Variants in KATNIP observed in about 807,000 individuals in gnomAD.
The protein encoded by KATNIP is katanin-interacting protein.
In KATNIP, 126 loss-of-function variants were observed where a neutral mutation model predicts 174.0. The ratio of observed to expected loss-of-function variants is 0.72; its 90% CI spans 0.63 to 0.84. The LOEUF (loss-of-function observed/expected upper bound fraction) is 0.84, where lower values mean the gene tolerates loss of function less well. KATNIP is among the 40% of genes least tolerant of loss of function. The pLI is 0.00. For missense variants in KATNIP, 1,958 were observed against 2,109.7 expected (o/e 0.93, Z 1.41); for synonymous variants, 810 against 835.7 (o/e 0.97, Z 0.53).
chr16:27,555,444 C>G (rs562326135), intron 1 of KATNIP, among the ~76,000 whole-genome samples: 1 of 152,300 alleles, frequency 6.6e-6, no homozygotes, highest in African/African-American at 2.4e-5. Context: ...TTTGACCTCT[C>G]TGAGCCTTGG....
At chr16:27,716,807 G>A (rs866545131) in intron 13 of KATNIP, among the ~76,000 whole-genome samples, 3 of 151,816 alleles carry the variant, frequency 2.0e-5, no homozygotes, top group African/African-American at 4.8e-5. Context: ...ACATTTTGTC[G>A]TTTCAAGAAT....
At chr16:27,591,430 G>T (rs140116771) in intron 2 of KATNIP, among the ~76,000 whole-genome samples, 1 of 151,950 alleles carries the variant, frequency 6.6e-6, no homozygotes, top group African/African-American at 2.4e-5. Context: ...TGATCCACCC[G>T]CCTCGGCCTC....
chr16:27,655,658 A>G (rs2077257917), intron 6 of KATNIP, among the ~76,000 whole-genome samples: 1 of 152,170 alleles, frequency 6.6e-6, no homozygotes. Flanking sequence ...CATGTTGAGC[A>G]TGTAACATCC....
At chr16:27,597,402 CTTTTTTTTTTTTTT>C (rs36005993) in intron 2 of KATNIP, among the ~76,000 whole-genome samples, 15 of 46,144 alleles carry the variant, frequency 3.3e-4, no homozygotes, top group South Asian at 2.6e-3. Flanking sequence ...ATTTTCTTTT[CTTTTTTTTTTTTTT>C]TTTTTTTTTT....
chr16:27,654,754 CAT>C, intron 6 of KATNIP: 2 of 1,351,832 alleles, frequency 1.5e-6, no homozygotes, highest in Non-Finnish European at 2.0e-6. Flanking sequence ...CAGTTTTCAG[CAT>C]CCTAACCCCT....
rs1597435738 is a variant in KATNIP at position 27,776,216 on chromosome 16, A to T, written c.4450-712A>T. Among the ~76,000 whole-genome samples, 1 of 152,094 alleles carries T rather than the reference A, an allele frequency of 6.6e-6. No homozygotes were observed. The highest frequency in any genetic ancestry group is 1.9e-4 in the East Asian group (1 of 5,172). On this transcript the variant is annotated intron_variant, in intron 24 of 27. Transcript: ENST00000261588. The surrounding 1 kb of genome is among the most constrained non-coding windows in gnomAD (Gnocchi z 4.7). ...CACTCCCTCTTGGCATATTCTGAGG[A>T]TGGTCACAGGCTGGGGACCAGGGCC...
At chr16:27,640,968 T>G (rs2142256762) in intron 5 of KATNIP, among the ~76,000 whole-genome samples, 1 of 152,128 alleles carries the variant, frequency 6.6e-6, no homozygotes, top group Non-Finnish European at 1.5e-5. Context: ...AAACCCTGTC[T>G]CTACTAAAAA....
At chr16:27,654,169 T>G (rs2077198250) in intron 6 of KATNIP, among the ~76,000 whole-genome samples, 1 of 152,118 alleles carries the variant, frequency 6.6e-6, no homozygotes, top group African/African-American at 2.4e-5. Flanking sequence ...AGAGATGGGA[T>G]TTCACCATGT....
chr16:27,703,493 ATTG>A (rs1285998782), intron 11 of KATNIP, among the ~76,000 whole-genome samples: 5 of 152,216 alleles, frequency 3.3e-5, no homozygotes, highest in South Asian at 2.1e-4. Flanking sequence ...TGTTGTTGTT[ATTG>A]TTGTTGTTAT....
In KATNIP at chr16:27,776,865, C is replaced by T. The variant is rs946494986; in HGVS notation, c.4450-63C>T. On this transcript the variant is annotated intron_variant, in intron 24 of 27. Transcript: ENST00000261588. This position sits in a 1 kb window ranked among gnomAD's most constrained non-coding sequence, Gnocchi z 4.7. ...CACCCCAGCCCACGCCTGGCACCCC[C>T]AGCCCAGCCAAGCGCCTCTGTTTCC... is the stretch of plus-strand genomic sequence containing the variant. 3 of 1,249,848 alleles carry T rather than the reference C, an allele frequency of 2.4e-6. No individual in the cohort carries two copies. The highest frequency in any genetic ancestry group is 2.3e-6 in the Non-Finnish European group (2 of 851,592). The allele number at this position is 1,249,848 out of a possible 1,614,324, so 77.4% of individuals were successfully genotyped here. A position where few individuals can be genotyped will look rare whatever the true frequency, so the allele number is the denominator to read the frequency against.
chr16:27,732,864 C>T (rs1037935594), intron 14 of KATNIP, among the ~76,000 whole-genome samples: 7 of 152,346 alleles, frequency 4.6e-5, no homozygotes, highest in Admixed American at 2.6e-4. Context: ...CAGCAACCCA[C>T]GCTTTTGCTC....
Position 27,619,899 on chromosome 16 carries a change from G to A in KATNIP, c.140+1398G>A, listed in dbSNP as rs372514742. 1.3e-4 allele frequency among the ~76,000 whole-genome samples: 20 copies of A among 152,270 alleles called. No individual in the cohort carries two copies. The South Asian group carries it at 2.1e-3, about 16-fold the overall frequency. On this transcript the variant is annotated intron_variant, in intron 3 of 27. Transcript: ENST00000261588. ...GGCGAAGGCTTGTGCTGATTAGACCGACGTGGGTTTCCATCATCATTAATG... is the reference window on the plus strand; with the variant it reads ...GGCGAAGGCTTGTGCTGATTAGACCAACGTGGGTTTCCATCATCATTAATG...
At chr16:27,664,965 C>T (rs575623657) in intron 6 of KATNIP, among the ~76,000 whole-genome samples, 18 of 152,196 alleles carry the variant, frequency 1.2e-4, no homozygotes, top group African/African-American at 3.9e-4. Flanking sequence ...AGCCTGTCCC[C>T]GGCTATATTA....
intron 2 of KATNIP, among the ~76,000 whole-genome samples, chr16:27,599,392 G>A (rs2075441708): frequency 6.6e-6 from 1 of 152,194 alleles, no homozygotes; most frequent in Admixed American, 6.5e-5. Context: ...CTATTGAGAT[G>A]GGGGTGGGGA....
At chr16:27,624,621 G>C (rs778701686) in intron 3 of KATNIP, among the ~76,000 whole-genome samples, 1 of 151,924 alleles carries the variant, frequency 6.6e-6, no homozygotes, top group Non-Finnish European at 1.5e-5. Context: ...TTTGAGACCA[G>C]CCTGGACAAC....
intron 19 of KATNIP, 118 bp from the exon 20 acceptor site, chr16:27,766,191 A>G: frequency 9.7e-7 from 1 of 1,033,316 alleles, no homozygotes; most frequent in African/African-American, 1.6e-5. Context: ...AGCCTGACAC[A>G]GCCAGGCTAG....
At chr16:27,744,702 G>A (rs2081223346) in intron 15 of KATNIP, among the ~76,000 whole-genome samples, 1 of 151,914 alleles carries the variant, frequency 6.6e-6, no homozygotes, top group Non-Finnish European at 1.5e-5. Flanking sequence ...GATTAATGTG[G>A]CAAAACACCG....
chr16:27,740,111 A>T lies in KATNIP; in HGVS notation c.1814A>T (p.Asp605Val). ...NRNLIFNGKLDKGDREAPADH... is the reference protein window; with the variant it reads ...NRNLIFNGKLVKGDREAPADH... ...AACCTCATCTTCAATGGCAAGTTAG[A>T]CAAAGGAGATAGGGAGGCCCCAGCT... The change falls in exon 15 of 28, where the codon GAC becomes GTC. Residue 605 changes from aspartate (D) to valine (V), a missense_variant. Asp to Val is a radical substitution (Grantham distance 152, BLOSUM62 -3). Around this residue, in one of 3 missense-constraint regions of KATNIP, gnomAD observed 1,557 missense variants for 1,617.8 expected, o/e 0.96. Transcript: ENST00000261588. 1 of 1,614,230 alleles carries T rather than the reference A, an allele frequency of 6.2e-7. No individual in the cohort carries two copies. Among genetic ancestry groups the T allele is most frequent in the South Asian group, 1.1e-5 (1 of 91,086 alleles).
At position 27,740,549 on chromosome 16, in the gene KATNIP, C is replaced by T. The variant is rs150497657; in HGVS notation, c.2252C>T (p.Thr751Ile). Residue 751 changes from threonine to isoleucine, a missense_variant, in exon 15 of 28, where the codon ACC becomes ATC. Physicochemically the swap from Thr to Ile is moderately conservative, Grantham distance 89. This residue lies in a region of KATNIP where 1,557 missense variants were observed against 1,617.8 expected (regional missense o/e 0.96). Transcript: ENST00000261588. ...AAAATCTGTGAGCCACCCGGGAAAA[C>T]CCCATCCTGGTTACAACCTTCTCCC... ...GRKICEPPGK[T>I]PSWLQPSPTG... The T allele has an allele frequency of 5.5e-4, 891 of 1,614,170 alleles. 9 individuals are homozygous for T. In the African/African-American group the frequency reaches 0.01, roughly 19 times the overall value.
Sources: gnomAD v4.1 joint callset for allele counts (sites outside exome capture counted in the v4.1 genomes callset) on GRCh38, gnomAD v4.1.1 for gene constraint, gnomAD v4.1.1 regional missense constraint, Gnocchi (gnomAD v3.1) non-coding constraint, MANE v1.5 for transcripts, NCBI Gene and HGNC (gene_info 2026-07-23, HGNC 2026-07-21) for gene names.